OPCML: variants seen among roughly 807,000 people sequenced by gnomAD.
The protein encoded by OPCML is opioid binding protein/cell adhesion molecule like.
Under a neutral mutation model 37.8 loss-of-function variants are expected in OPCML, and 13 were observed. The observed-to-expected ratio is 0.34, with a 90% CI of 0.22 to 0.55. OPCML has a LOEUF of 0.55. Among genes scored for constraint, OPCML ranks in the 20% least tolerant of loss-of-function variants. The probability of loss-of-function intolerance (pLI) is 0.91; values close to 1 mark genes in which losing one functional copy is unlikely to be tolerated. For missense variants in OPCML, 341 were observed against 435.6 expected (o/e 0.78, Z 1.93); for synonymous variants, 176 against 168.8 (o/e 1.04, Z -0.33).
chr11:132,606,851 TC>T (rs1938334718), intron 3 of OPCML, among the ~76,000 whole-genome samples: 1 of 152,042 alleles, frequency 6.6e-6, no homozygotes. Flanking sequence ...GAGCAGTGTC[TC>T]CCCCCACCCA....
Position 132,809,982 on chromosome 11 carries a change from C to T in OPCML, c.146+132944G>A, listed in dbSNP as rs188019707. On this transcript the variant is annotated intron_variant, in intron 2 of 7. Coordinates refer to ENST00000524381, the MANE Select transcript of OPCML (RefSeq NM_001012393.5). ...CTCCTGCCTCAGCCTCCCGAGTAGC[C>T]GGGACTACAGGCGCCCGCCACCACG... Among the ~76,000 whole-genome samples, 637 of 152,088 alleles carry T rather than the reference C, an allele frequency of 4.2e-3. 7 individuals are homozygous for T. The highest frequency in any genetic ancestry group is 0.014 in the African/African-American group (569 of 41,528).
intron 4 of OPCML, among the ~76,000 whole-genome samples, chr11:132,454,505 T>C (rs2096076496): frequency 6.6e-6 from 1 of 152,186 alleles, no homozygotes; most frequent in Non-Finnish European, 1.5e-5. Flanking sequence ...GCCCCTCTAC[T>C]GCGGAGATGC....
chr11:132,673,312 G>T lies in OPCML; in HGVS notation c.147-15993C>A, dbSNP rs145986341. On this transcript the variant is annotated intron_variant, in intron 2 of 7. Transcript: ENST00000524381. ...ATGCATGATGATGATGATGATGATC[G>T]TGATGGTGGTGCAAACAGAGAAAAA... is the stretch of plus-strand genomic sequence containing the variant. Among the ~76,000 whole-genome samples, 8 of 152,212 alleles carry T rather than the reference G, an allele frequency of 5.3e-5. No homozygotes were observed. The South Asian group carries it at 1.7e-3, about 32-fold the overall frequency.
intron 1 of OPCML, chr11:133,420,717 T>G: frequency 1.0e-6 from 1 of 985,454 alleles, no homozygotes; most frequent in African/African-American, 1.7e-5. Context: ...TCCAGTGGCA[T>G]GTCAAGGGCT....
At chr11:132,894,816 C>T (rs75619001) in intron 2 of OPCML, among the ~76,000 whole-genome samples, 1 of 152,278 alleles carries the variant, frequency 6.6e-6, no homozygotes, top group Non-Finnish European at 1.5e-5. Flanking sequence ...ACACCAGCAA[C>T]CCCCACTCCT....
intron 1 of OPCML, among the ~76,000 whole-genome samples, chr11:133,140,580 GAAGAAAA>G (rs992557651): frequency 1.7e-5 from 2 of 116,022 alleles, no homozygotes; most frequent in Admixed American, 8.6e-5. Flanking sequence ...GAAGAAGAAA[GAAGAAAA>G]AAGAAAGAAG....
At chr11:133,470,660 A>C (rs907469573) in intron 1 of OPCML, among the ~76,000 whole-genome samples, 1 of 152,198 alleles carries the variant, frequency 6.6e-6, no homozygotes, top group Non-Finnish European at 1.5e-5. Flanking sequence ...TGATCCTAAC[A>C]CATCTGACCA....
Position 133,076,347 on chromosome 11 carries a change from T to A in OPCML, c.62-133337A>T, listed in dbSNP as rs1457834763. Among the ~76,000 whole-genome samples, 7 of 152,312 alleles carry A rather than the reference T, an allele frequency of 4.6e-5. No individual in the cohort carries two copies. The East Asian group carries it at 1.2e-3, about 25-fold the overall frequency. On this transcript the variant is annotated intron_variant, in intron 1 of 7. Coordinates refer to ENST00000524381, the MANE Select transcript of OPCML (RefSeq NM_001012393.5). ...TCCTCAGGTTTTGAGAGGCAGGTGA[T>A]GTCTGGGATGAATTGTTGGCATTCC...
chr11:132,767,285 G>A (rs567946605), intron 2 of OPCML, among the ~76,000 whole-genome samples: 1 of 152,106 alleles, frequency 6.6e-6, no homozygotes, highest in East Asian at 1.9e-4. Flanking sequence ...TGGGTGGTGT[G>A]TGTGTGCACG....
In OPCML at chr11:132,566,343, C is replaced by G. The variant is rs552714993; in HGVS notation, c.380-37157G>C. On this transcript the variant is annotated intron_variant, in intron 3 of 7. Transcript: ENST00000524381. Reference sequence around the variant, plus strand: ...AAATTGTTTGGCTTTATGAGCACAACATAGAGAAGGAAGACATCTGGATAC... The same window carrying G: ...AAATTGTTTGGCTTTATGAGCACAAGATAGAGAAGGAAGACATCTGGATAC... 2.7e-4 allele frequency among the ~76,000 whole-genome samples: 41 copies of G among 152,284 alleles called. No homozygotes were observed. In the South Asian group the frequency reaches 7.5e-3, roughly 28 times the overall value.
intron 2 of OPCML, among the ~76,000 whole-genome samples, chr11:132,671,318 A>C (rs2135817387): frequency 6.6e-6 from 1 of 152,246 alleles, no homozygotes; most frequent in East Asian, 1.9e-4. Flanking sequence ...GTCTCTCCTA[A>C]AAAATAAAAT....
At chr11:133,234,739 G>T (rs1204822855) in intron 1 of OPCML, among the ~76,000 whole-genome samples, 1 of 152,154 alleles carries the variant, frequency 6.6e-6, no homozygotes, top group African/African-American at 2.4e-5. Context: ...TTCTTCAGTG[G>T]TTTCATTCTC....
intron 2 of OPCML, among the ~76,000 whole-genome samples, chr11:132,937,599 T>TGG (rs1945432362): frequency 1.9e-5 from 1 of 53,824 alleles, no homozygotes; most frequent in South Asian, 6.4e-4. Context: ...GTGTGGGGTG[T>TGG]GTGTGTGTGT....
intron 1 of OPCML, among the ~76,000 whole-genome samples, chr11:133,273,561 C>CT (rs34439474): frequency 4.0e-5 from 6 of 151,616 alleles, no homozygotes; most frequent in African/African-American, 1.2e-4. Context: ...GAGACAGAAG[C>CT]TTTTTTTTTC....
intron 4 of OPCML, among the ~76,000 whole-genome samples, chr11:132,460,560 T>C (rs1029495708): frequency 6.6e-6 from 1 of 152,146 alleles, no homozygotes; most frequent in African/African-American, 2.4e-5. Flanking sequence ...TAAAGATAAA[T>C]GATATCTCAG....
intron 1 of OPCML, among the ~76,000 whole-genome samples, chr11:133,449,752 A>G (rs1946543128): frequency 6.6e-6 from 1 of 151,718 alleles, no homozygotes; most frequent in African/African-American, 2.4e-5. Context: ...ATGATTTTAT[A>G]TCAAGATCCT....
intron 1 of OPCML, among the ~76,000 whole-genome samples, chr11:133,190,748 C>T (rs1478152724): frequency 6.6e-6 from 1 of 152,100 alleles, no homozygotes; most frequent in Non-Finnish European, 1.5e-5. Context: ...TGGTCTTTTG[C>T]GACTAGCTTC....
intron 1 of OPCML, among the ~76,000 whole-genome samples, chr11:133,167,784 C>T (rs1224610888): frequency 6.6e-6 from 1 of 152,124 alleles, no homozygotes; most frequent in Admixed American, 6.5e-5. Flanking sequence ...CACTTTTTCT[C>T]CTCTCCGTGG....
intron 1 of OPCML, among the ~76,000 whole-genome samples, chr11:133,265,856 G>A (rs1463122095): frequency 6.6e-6 from 1 of 152,312 alleles, no homozygotes; most frequent in African/African-American, 2.4e-5. Flanking sequence ...AGCAATCAGG[G>A]CTTTTGAGAA....
Sources: gnomAD v4.1 joint callset for allele counts (sites outside exome capture counted in the v4.1 genomes callset) on GRCh38, gnomAD v4.1.1 for gene constraint, MANE v1.5 for transcripts, NCBI Gene and HGNC (gene_info 2026-07-23, HGNC 2026-07-21) for gene names.